Variants in PDE4D observed in about 807,000 individuals in gnomAD.
PDE4D encodes the protein 3',5'-cyclic-AMP phosphodiesterase 4D.
A neutral mutation model predicts 87.4 loss-of-function variants in PDE4D; 24 were observed. The observed-to-expected ratio is 0.27, with a 90% CI of 0.20 to 0.39. The LOEUF (loss-of-function observed/expected upper bound fraction) is 0.39. Ranked by LOEUF, PDE4D falls within the 10% of genes least tolerant of loss-of-function variation. PDE4D has a pLI of 1.00. For missense variants in PDE4D, 714 were observed against 1,041.0 expected (o/e 0.69, Z 4.32); for synonymous variants, 384 against 383.2 (o/e 1.00, Z -0.02).
At chr5:59,205,272 C>A (rs1256271856) in intron 2 of PDE4D, among the ~76,000 whole-genome samples, 1 of 152,014 alleles carries the variant, frequency 6.6e-6, no homozygotes, top group Non-Finnish European at 1.5e-5. Flanking sequence ...TTCTTTTTCA[C>A]TGAAGTGAAA....
At chr5:59,570,899 A>T (rs764527325) in intron 1 of PDE4D, among the ~76,000 whole-genome samples, 5 of 152,220 alleles carry the variant, frequency 3.3e-5, no homozygotes, top group East Asian at 1.9e-4. Flanking sequence ...TCAGGATTAC[A>T]TTTGAATAAA....
At chr5:59,184,179 T>C (rs911261881) in intron 4 of PDE4D, among the ~76,000 whole-genome samples, 7 of 152,266 alleles carry the variant, frequency 4.6e-5, no homozygotes, top group Non-Finnish European at 8.8e-5. Flanking sequence ...GCTGAGAGAA[T>C]AGGACTGCAA....
intron 3 of PDE4D, among the ~76,000 whole-genome samples, chr5:59,954,615 T>C (rs1561905764): frequency 6.6e-6 from 1 of 152,180 alleles, no homozygotes; most frequent in Non-Finnish European, 1.5e-5. Flanking sequence ...TAAGAATTCA[T>C]TCTTATTCTC....
intron 5 of PDE4D, among the ~76,000 whole-genome samples, chr5:59,077,670 C>T (rs374196655): frequency 1.6e-4 from 25 of 151,796 alleles, no homozygotes; most frequent in African/African-American, 5.8e-4. Flanking sequence ...TCAAGAGCTC[C>T]TAATATTTTC....
chr5:59,844,557 G>A (rs1443957553), intron 1 of PDE4D, among the ~76,000 whole-genome samples: 2 of 152,040 alleles, frequency 1.3e-5, no homozygotes, highest in Non-Finnish European at 2.9e-5. Flanking sequence ...TCCAGCCTTA[G>A]CCTCAGACAC....
intron 5 of PDE4D, among the ~76,000 whole-genome samples, chr5:59,093,209 G>A (rs1319174896): frequency 6.6e-6 from 1 of 152,204 alleles, no homozygotes; most frequent in Non-Finnish European, 1.5e-5. Context: ...CTTACTGCTT[G>A]GAGGCAGCAG....
intron 2 of PDE4D, among the ~76,000 whole-genome samples, chr5:60,049,435 AG>A (rs1474871956): frequency 6.6e-6 from 1 of 152,196 alleles, no homozygotes; most frequent in Non-Finnish European, 1.5e-5. Flanking sequence ...GGACGAGGAG[AG>A]GCACTCTGCT....
chr5:59,401,770 C>T (rs1472964661), intron 1 of PDE4D, among the ~76,000 whole-genome samples: 1 of 152,144 alleles, frequency 6.6e-6, no homozygotes, highest in Non-Finnish European at 1.5e-5. Flanking sequence ...TGGCTGTTGC[C>T]GCTCAGCAAG....
intron 1 of PDE4D, among the ~76,000 whole-genome samples, chr5:60,304,487 T>C (rs1326430614): frequency 6.8e-6 from 1 of 148,134 alleles, no homozygotes; most frequent in Non-Finnish European, 1.5e-5. Flanking sequence ...CTACTAAAAA[T>C]ACAAAAAATT....
chr5:59,330,310 C>A (rs116699209), intron 1 of PDE4D, among the ~76,000 whole-genome samples: 60 of 152,194 alleles, frequency 3.9e-4, no homozygotes, highest in African/African-American at 1.4e-3. Flanking sequence ...ATAGTTGAAG[C>A]CAACTTTCCC....
At chr5:60,466,811 G>A (rs116520836) in intron 1 of PDE4D, among the ~76,000 whole-genome samples, 2 of 151,948 alleles carry the variant, frequency 1.3e-5, no homozygotes, top group Non-Finnish European at 2.9e-5. Flanking sequence ...CCCCTTCGTT[G>A]TTCTCAGTAG....
At chr5:59,605,296 C>T (rs564987753) in intron 1 of PDE4D, among the ~76,000 whole-genome samples, 98 of 152,096 alleles carry the variant, frequency 6.4e-4, no homozygotes, top group Non-Finnish European at 7.2e-4. Flanking sequence ...AATTTGTGAA[C>T]ATTTTACACA....
intron 1 of PDE4D, among the ~76,000 whole-genome samples, chr5:59,837,307 C>T (rs1742272088): frequency 6.6e-6 from 1 of 152,052 alleles, no homozygotes. Context: ...AGGTCTAACT[C>T]TCTGCCTCCT....
At chr5:59,069,244 T>A (rs1467481516) in intron 5 of PDE4D, among the ~76,000 whole-genome samples, 1 of 152,196 alleles carries the variant, frequency 6.6e-6, no homozygotes, top group Non-Finnish European at 1.5e-5. Context: ...TTACCTCTTT[T>A]ACAATGAGTT....
At chr5:59,411,472 C>T (rs189057406) in intron 1 of PDE4D, among the ~76,000 whole-genome samples, 8 of 152,234 alleles carry the variant, frequency 5.3e-5, no homozygotes, top group South Asian at 2.1e-4. Context: ...GACAGTAATA[C>T]GTTTTGTCAG....
chr5:60,424,370 G>A (rs1743447393), intron 1 of PDE4D, among the ~76,000 whole-genome samples: 1 of 152,148 alleles, frequency 6.6e-6, no homozygotes. Context: ...ATGCAAGGCT[G>A]GTTCAACATG....
At chr5:60,201,286 A>G (rs537245685) in intron 1 of PDE4D, among the ~76,000 whole-genome samples, 2 of 148,250 alleles carry the variant, frequency 1.3e-5, no homozygotes, top group Non-Finnish European at 3.0e-5. Flanking sequence ...AGGTTTTCCT[A>G]TATACCAACA....
chr5:60,418,401 A>G (rs1206986861), intron 1 of PDE4D, among the ~76,000 whole-genome samples: 1 of 152,188 alleles, frequency 6.6e-6, no homozygotes, highest in Admixed American at 6.5e-5. Context: ...TTATCAGCTG[A>G]TTCGTGCCCT....
chr5:59,566,606 A>G (rs6890180), intron 1 of PDE4D, among the ~76,000 whole-genome samples: 62 of 145,326 alleles, frequency 4.3e-4, no homozygotes, highest in South Asian at 6.5e-4. Context: ...GAGAGAGAGA[A>G]AGAGAATTTG....
Sources: gnomAD v4.1 joint callset for allele counts (sites outside exome capture counted in the v4.1 genomes callset) on GRCh38, gnomAD v4.1.1 for gene constraint, MANE v1.5 for transcripts, NCBI Gene and HGNC (gene_info 2026-07-23, HGNC 2026-07-21) for gene names.